DNAJC18: variants seen among roughly 807,000 people sequenced by gnomAD.
DNAJC18 encodes DnaJ heat shock protein family (Hsp40) member C18, also known as dnaJ homolog subfamily C member 18.
DNAJC18 carries 40 observed loss-of-function variants against 48.6 expected under a neutral mutation model. The ratio of observed to expected loss-of-function variants is 0.82; its 90% CI spans 0.64 to 1.07. The LOEUF is 1.07. Ranked by LOEUF, DNAJC18 falls within the 50% of genes least tolerant of loss-of-function variation. The pLI is 0.00. For synonymous variants in DNAJC18, 135 were observed against 152.2 expected (o/e 0.89, Z 0.83); for missense variants, 340 against 427.7 (o/e 0.79, Z 1.81).
In DNAJC18 at chr5:139,420,112, G is replaced by C. The variant is rs377035232; in HGVS notation, c.893C>G (p.Thr298Arg). The change falls in exon 7 of 8, where the codon ACA becomes AGA. Residue 298 changes from threonine (T) to arginine (R), a missense_variant. By Grantham distance (71) the Thr-to-Arg change is moderately conservative (BLOSUM62 -1). Coordinates refer to ENST00000302060, the MANE Select transcript of DNAJC18 (RefSeq NM_152686.4). ...RGASLHDLEK[T>R]IEKDYIDYIQ... is the part of the protein sequence containing the mutation. ...ATAATCAATGTAATCCTTCTCTATT[G>C]TTTTCTCCAAGTCATGCAGAGAAGC... 147 of 1,607,322 alleles carry C rather than the reference G, an allele frequency of 9.1e-5. No homozygotes were observed. Among genetic ancestry groups the C allele is most frequent in the Middle Eastern group, 6.6e-4 (4 of 6,044 alleles).
At chr5:139,425,678 G>A (rs963144086) in intron 4 of DNAJC18, among the ~76,000 whole-genome samples, 3 of 152,154 alleles carry the variant, frequency 2.0e-5, no homozygotes, top group East Asian at 1.9e-4. Context: ...CATTAGGGCC[G>A]TGAATCCTAT....
intron 7 of DNAJC18, among the ~76,000 whole-genome samples, chr5:139,416,894 G>GA (rs900868503): frequency 2.0e-5 from 3 of 152,192 alleles, no homozygotes; most frequent in Admixed American, 2.0e-4. Flanking sequence ...ACTCATAAAG[G>GA]TTTGCCCAGA....
chr5:139,418,068 C>T (rs1288599609), intron 7 of DNAJC18, among the ~76,000 whole-genome samples: 2 of 152,326 alleles, frequency 1.3e-5, no homozygotes, highest in South Asian at 2.1e-4. Context: ...TGCAGATTTT[C>T]ATCCAGTTCT....
intron 7 of DNAJC18, among the ~76,000 whole-genome samples, chr5:139,418,193 C>T (rs1221728726): frequency 6.6e-6 from 1 of 152,004 alleles, no homozygotes; most frequent in African/African-American, 2.4e-5. Context: ...TTTATTGAGA[C>T]AGGATCTCGC....
Position 139,413,614 on chromosome 5 carries a change from T to C in DNAJC18, c.*534A>G, listed in dbSNP as rs1380157608. ...CAGAGATTGGAATAATAGAAAACTA[T>C]TGACTACAATAGTTTAAATTTCTCC... On this transcript the variant is annotated 3_prime_UTR_variant, in exon 8 of 8. Transcript: ENST00000302060. 6.6e-6 allele frequency: 1 copy of C among 152,430 alleles called. No individual in the cohort carries two copies. Among genetic ancestry groups the C allele is most frequent in the South Asian group, 2.1e-4 (1 of 4,836 alleles). 9.4% of individuals were successfully genotyped at this position (152,430 alleles called of 1,614,324 possible).
In DNAJC18 at chr5:139,413,953, G is replaced by C. The variant is rs897956922; in HGVS notation, c.*195C>G. ...TTAGATGAACTACTCCTGGTCCCTG[G>C]AGCCACTCCCCAGGAAGGATCCTGT... On this transcript the variant is annotated 3_prime_UTR_variant, in exon 8 of 8. Coordinates refer to ENST00000302060, the MANE Select transcript of DNAJC18 (RefSeq NM_152686.4). 5 of 703,296 alleles carry C rather than the reference G, an allele frequency of 7.1e-6. No individual in the cohort carries two copies. The African/African-American group carries it at 9.2e-5, about 13-fold the overall frequency. 43.6% of individuals were successfully genotyped at this position (703,296 alleles called of 1,614,324 possible).
chr5:139,414,258 T>C lies in DNAJC18; in HGVS notation c.967A>G (p.Asn323Asp), dbSNP rs1412554510. The C allele has an allele frequency of 6.2e-7, 1 of 1,613,300 alleles. No individual in the cohort carries two copies. Among genetic ancestry groups the C allele is most frequent in the African/African-American group, 1.3e-5 (1 of 74,884 alleles). ...KEKQQKSELTNLAGLYRDERL... is the reference protein window; with the variant it reads ...KEKQQKSELTDLAGLYRDERL... ...TCATCTCTGTATAATCCTGCCAAAT[T>C]TGTCAGCTCTGACTCTGAAAGATAA... Residue 323 changes from asparagine (N) to aspartate (D), a missense_variant, in exon 8 of 8, where the codon AAT (asparagine) becomes GAT (aspartate). Coordinates refer to ENST00000302060, the MANE Select transcript of DNAJC18 (RefSeq NM_152686.4).
rs1443095697 is a variant in DNAJC18, at chr5:139,439,405, C to G, written c.40+1G>C. The G allele has an allele frequency of 6.2e-7, 1 of 1,614,122 alleles. No homozygotes were observed. Among genetic ancestry groups the G allele is most frequent in the South Asian group, 1.1e-5 (1 of 91,082 alleles). ...CCCTCCTTCAGGCGGGGACCTAGTA[C>G]CTTCCGTCCAGCGCTCCCCGCTGCC... On this transcript the variant is annotated splice_donor_variant, in intron 1 of 7. Transcript: ENST00000302060. LOFTEE classifies it high-confidence loss of function. The surrounding 1 kb of genome is among the most constrained non-coding windows in gnomAD (Gnocchi z 4.1).
rs1758977628 is a variant in DNAJC18, at chr5:139,410,432, C to T, written c.*3716G>A. On this transcript the variant is annotated 3_prime_UTR_variant, in exon 8 of 8. Coordinates refer to ENST00000302060, the MANE Select transcript of DNAJC18 (RefSeq NM_152686.4). ...ACACGAGTATATACTTTCTTGGTGG[C>T]CACTGCATGACATATCAACAGTGCA... The T allele has an allele frequency of 6.6e-6, 1 of 152,094 alleles. No homozygotes were observed. The highest frequency in any genetic ancestry group is 2.4e-5 in the African/African-American group (1 of 41,418). 9.4% of individuals were successfully genotyped at this position (152,094 alleles called of 1,614,324 possible).
chr5:139,439,234 G>A lies in DNAJC18; in HGVS notation c.40+172C>T, dbSNP rs1484166041. Among the ~76,000 whole-genome samples the A allele has an allele frequency of 6.6e-6, 1 of 151,994 alleles. No individual in the cohort carries two copies. Among genetic ancestry groups the A allele is most frequent in the Non-Finnish European group, 1.5e-5 (1 of 68,006 alleles). On this transcript the variant is annotated intron_variant, in intron 1 of 7. Coordinates refer to ENST00000302060, the MANE Select transcript of DNAJC18 (RefSeq NM_152686.4). The surrounding 1 kb of genome is among the most constrained non-coding windows in gnomAD (Gnocchi z 4.1). Reference sequence around the variant, plus strand: ...CACCGGTGACTCTGGGCTCGCGGTCGGTCCCCAGCTTCCCTACCCCATCCG... The same window carrying A: ...CACCGGTGACTCTGGGCTCGCGGTCAGTCCCCAGCTTCCCTACCCCATCCG...
At chr5:139,425,180 TGGAGA>T in intron 4 of DNAJC18, 66 bp from the exon 5 acceptor site, 1 of 1,383,906 alleles carries the variant, frequency 7.2e-7, no homozygotes, top group Non-Finnish European at 1.0e-6. Context: ...CTTTTTTTTT[TGGAGA>T]TGGAGTTTTG....
chr5:139,419,082 G>T (rs1449858028), intron 7 of DNAJC18: 2 of 437,356 alleles, frequency 4.6e-6, no homozygotes, highest in Non-Finnish European at 9.0e-6. Flanking sequence ...ACTCCATTAG[G>T]TATTTAATGA....
Position 139,426,267 on chromosome 5 carries a change from G to A in DNAJC18, c.464C>T (p.Pro155Leu). ...YGDEQVTFTA[P>L]RARPYNYYRD... ...GTAATAATTATAAGGTCTGGCTCGA[G>A]GGGCAGTGAAAGTCACCTGTTCATC... The change falls in exon 4 of 8, where the codon CCT becomes CTT. Residue 155 changes from proline to leucine, a missense_variant. Coordinates refer to ENST00000302060, the MANE Select transcript of DNAJC18 (RefSeq NM_152686.4). 1 of 1,614,214 alleles carries A rather than the reference G, an allele frequency of 6.2e-7. No homozygotes were observed. The highest frequency in any genetic ancestry group is 8.5e-7 in the Non-Finnish European group (1 of 1,180,044).
rs1758978636 is a variant in DNAJC18, at chr5:139,410,526, T to C, written c.*3622A>G. 1 of 152,172 alleles carries C rather than the reference T, an allele frequency of 6.6e-6. No homozygotes were observed. Among genetic ancestry groups the C allele is most frequent in the African/African-American group, 2.4e-5 (1 of 41,420 alleles). The allele number at this position is 152,172 out of a possible 1,614,324, so 9.4% of individuals were successfully genotyped here. ...TAAATATATTAGGACACTAAGCTTA[T>C]ACCTTAAATGAGGGCAGAATAAATA... On this transcript the variant is annotated 3_prime_UTR_variant, in exon 8 of 8. Coordinates refer to ENST00000302060, the MANE Select transcript of DNAJC18 (RefSeq NM_152686.4).
At chr5:139,422,247 A>G (rs187081930) in intron 6 of DNAJC18, among the ~76,000 whole-genome samples, 145 of 152,336 alleles carry the variant, frequency 9.5e-4, no homozygotes, top group African/African-American at 3.3e-3. Flanking sequence ...TTTATAATCT[A>G]TACGCAAAAA....
rs1172163858 is a variant in DNAJC18, at chr5:139,426,141, T to C, written c.559+31A>G. ...GCTGAGAGCCATAAATAAAGAAATA[T>C]GTTTAAGAATGATAATTTGGGGAGA... On this transcript the variant is annotated intron_variant, in intron 4 of 7. Transcript: ENST00000302060. 46 of 1,594,434 alleles carry C rather than the reference T, an allele frequency of 2.9e-5. No homozygotes were observed. In the East Asian group the frequency reaches 1.0e-3, roughly 35 times the overall value.
intron 7 of DNAJC18, among the ~76,000 whole-genome samples, chr5:139,415,328 C>T (rs1759055635): frequency 2.0e-5 from 3 of 152,204 alleles, no homozygotes; most frequent in Admixed American, 6.5e-5. Flanking sequence ...TTTCTGAATA[C>T]GTTTCTATCA....
At chr5:139,437,308 A>G in intron 2 of DNAJC18, 64 bp downstream of exon 2, 1 of 1,506,378 alleles carries the variant, frequency 6.6e-7, no homozygotes, top group South Asian at 1.4e-5. Flanking sequence ...CTTACATAGC[A>G]CATCCAGGCA....
rs1036639629 is a variant in DNAJC18, at chr5:139,413,008, G to A, written c.*1140C>T. 2.5e-5 allele frequency: 10 copies of A among 397,724 alleles called. No individual in the cohort carries two copies. Among genetic ancestry groups the A allele is most frequent in the Admixed American group, 4.4e-5 (1 of 22,712 alleles). The allele number at this position is 397,724 out of a possible 1,614,324, so 24.6% of individuals were successfully genotyped here. The stretch of plus-strand genomic sequence containing the variant: ...TCTTGCTCTGCCACTACAAGACCTG[G>A]GTCATCCTCTCTGGGCCAATGTTCT... On this transcript the variant is annotated 3_prime_UTR_variant, in exon 8 of 8. Coordinates refer to ENST00000302060, the MANE Select transcript of DNAJC18 (RefSeq NM_152686.4).
Sources: gnomAD v4.1 joint callset for allele counts (sites outside exome capture counted in the v4.1 genomes callset) on GRCh38, gnomAD v4.1.1 for gene constraint, Gnocchi (gnomAD v3.1) non-coding constraint, MANE v1.5 for transcripts, NCBI Gene and HGNC (gene_info 2026-07-23, HGNC 2026-07-21) for gene names.